The following SGO1 variants were observed in gnomAD, a reference collection of about 807,000 sequenced individuals.
SGO1 encodes the protein shugoshin 1.
A neutral mutation model predicts 50.5 loss-of-function variants in SGO1; 39 were observed. The ratio of observed to expected loss-of-function variants is 0.77; its 90% CI spans 0.60 to 1.01. The LOEUF is 1.01. SGO1 is among the 50% of genes least tolerant of loss of function. SGO1 has a pLI of 0.00. For synonymous variants in SGO1, 191 were observed against 205.1 expected, an observed-to-expected ratio of 0.93 and a Z score of 0.59; for missense variants, 638 against 606.0, an observed-to-expected ratio of 1.05 and a Z score of -0.55.
At chr3:20,170,865 A>C in intron 7 of SGO1, 50 bp from the exon 8 acceptor site, 2 of 1,560,986 alleles carry the variant, frequency 1.3e-6, no homozygotes, top group Non-Finnish European at 8.6e-7. Flanking sequence ...TCCCAATATT[A>C]ACTTACTCTT....
chr3:20,178,155 A>G, intron 4 of SGO1, 116 bp downstream of exon 4: 3 of 731,358 alleles, frequency 4.1e-6, no homozygotes, highest in Non-Finnish European at 7.0e-6. Flanking sequence ...CTCAGTAGAG[A>G]AAGCAACAGA....
At chr3:20,174,170 G>A (rs1701088583) in intron 6 of SGO1, 79 bp downstream of exon 6, 2 of 1,109,520 alleles carry the variant, frequency 1.8e-6, no homozygotes, top group Non-Finnish European at 2.7e-6. Flanking sequence ...GAAACAGATG[G>A]TAAGTATAGT....
At chr3:20,183,848 T>C in intron 2 of SGO1, 38 bp downstream of exon 2, 2 of 1,606,606 alleles carry the variant, frequency 1.2e-6, no homozygotes, top group Non-Finnish European at 1.7e-6. Context: ...AATCTAAACT[T>C]AAAAGTGATA....
Position 20,174,476 on chromosome 3 carries a change from A to C in SGO1, c.1055T>G (p.Val352Gly), listed in dbSNP as rs756470744. 9 of 1,614,182 alleles carry C rather than the reference A, an allele frequency of 5.6e-6. No individual in the cohort carries two copies. The Admixed American group carries it at 6.7e-5, about 12-fold the overall frequency. ...GVHLTPFRQKVSNDSNREENN... is the reference protein window; with the variant it reads ...GVHLTPFRQKGSNDSNREENN... ...TTCTTCTCTATTAGAGTCATTGCTC[A>C]CTTTTTGTCGGAAAGGAGTAAGATG... Residue 352 changes from valine to glycine, a missense_variant, in exon 6 of 8, where the codon GTG (valine) becomes GGG (glycine). By Grantham distance (109) the Val-to-Gly change is moderately radical. Transcript: ENST00000412997.
At chr3:20,168,239 A>G (rs184655962), downstream of SGO1, among the ~76,000 whole-genome samples, 38 of 152,290 alleles carry the variant, frequency 2.5e-4, no homozygotes, top group Non-Finnish European at 4.4e-4. Context: ...TCAGACCAGA[A>G]TGATCTTTAA....
chr3:20,169,448 T>C (rs972693249), downstream of SGO1: 1 of 983,696 alleles, frequency 1.0e-6, no homozygotes. Context: ...AGATACTCTA[T>C]TTTTGATATT....
chr3:20,181,908 C>A (rs1336607607), intron 3 of SGO1, among the ~76,000 whole-genome samples: 2 of 152,004 alleles, frequency 1.3e-5, no homozygotes, highest in African/African-American at 4.8e-5. Context: ...CATGGCGAAA[C>A]CCTGTCTCTA....
chr3:20,178,143 T>C, intron 4 of SGO1, 128 bp downstream of exon 4: 1 of 662,492 alleles, frequency 1.5e-6, no homozygotes. Flanking sequence ...CTTAAATATA[T>C]TCTCAGTAGA....
intron 3 of SGO1, among the ~76,000 whole-genome samples, chr3:20,183,391 G>A (rs530854081): frequency 6.6e-6 from 1 of 152,204 alleles, no homozygotes; most frequent in African/African-American, 2.4e-5. Flanking sequence ...CCTGCTTTAA[G>A]AATGAAACAG....
rs780125969 is a variant in SGO1 at position 20,176,606 on chromosome 3, A to T, written c.470T>A (p.Ile157Lys). 6.4e-7 allele frequency: 1 copy of T among 1,564,360 alleles called. No individual in the cohort carries two copies. Among genetic ancestry groups the T allele is most frequent in the African/African-American group, 1.4e-5 (1 of 72,742 alleles). Reference sequence around the variant, plus strand: ...TAGATTTTCACTTGAATTACCTTCTATTTGAAATGATTCTCCTTGTCCTGG... The same window carrying T: ...TAGATTTTCACTTGAATTACCTTCTTTTTGAAATGATTCTCCTTGTCCTGG... ...ELPGQGESFQ[I>K]EDQIPTIPQD... Residue 157 changes from isoleucine to lysine, a missense_variant, in exon 5 of 8, where the codon ATA becomes AAA. Transcript: ENST00000412997.
In SGO1 at chr3:20,176,664, G is replaced by T; in HGVS notation, c.417-5C>A. On this transcript the variant is annotated splice_polypyrimidine_tract_variant and splice_region_variant and intron_variant, in intron 4 of 7. Transcript: ENST00000412997. ...GTTTCTTCAAGAGGAATTTGCCTTA[G>T]AAAATACCAATGAAAAACAGAAATT... 2 of 1,548,340 alleles carry T rather than the reference G, an allele frequency of 1.3e-6. No homozygotes were observed. Among genetic ancestry groups the T allele is most frequent in the Non-Finnish European group, 1.7e-6 (2 of 1,148,958 alleles).
chr3:20,171,122 T>G lies in SGO1; in HGVS notation c.1393A>C (p.Asn465His), dbSNP rs776125097. Residue 465 changes from asparagine (N) to histidine (H), a missense_variant, in exon 7 of 8, where the codon AAT (asparagine) becomes CAT (histidine). Physicochemically the swap from Asn to His is moderately conservative, Grantham distance 68. Coordinates refer to ENST00000412997, the MANE Select transcript of SGO1 (RefSeq NM_001199251.3). The stretch of plus-strand genomic sequence containing the variant: ...AGAGCCACTGCTGGGCTTGCTTTAT[T>G]CTTTTTTGGAGAAAGAGAAAGTCTT... ...IRRLSLSPKK[N>H]KASPAVALPK... The G allele has an allele frequency of 8.1e-6, 13 of 1,613,638 alleles. No homozygotes were observed. Among genetic ancestry groups the G allele is most frequent in the Non-Finnish European group, 1.1e-5 (13 of 1,179,876 alleles).
At chr3:20,179,707 C>T (rs1030786579) in intron 3 of SGO1, among the ~76,000 whole-genome samples, 3 of 152,016 alleles carry the variant, frequency 2.0e-5, no homozygotes, top group Non-Finnish European at 2.9e-5. Flanking sequence ...CTGATTACAG[C>T]CACGAGTCAA....
intron 3 of SGO1, among the ~76,000 whole-genome samples, chr3:20,182,327 C>T (rs753236877): frequency 8.6e-5 from 13 of 152,010 alleles, no homozygotes; most frequent in Non-Finnish European, 1.9e-4. Context: ...AAGTACCTGC[C>T]CACCTCCTCC....
At chr3:20,164,833 A>G (rs1282097740), downstream of SGO1, among the ~76,000 whole-genome samples, 1 of 152,196 alleles carries the variant, frequency 6.6e-6, no homozygotes, top group Non-Finnish European at 1.5e-5. Context: ...ATGCTAAGGG[A>G]CAAACTAACA....
intron 6 of SGO1, among the ~76,000 whole-genome samples, chr3:20,172,550 G>GCA (rs1423376385): frequency 2.6e-5 from 4 of 151,628 alleles, no homozygotes; most frequent in African/African-American, 9.7e-5. Context: ...ACGGTATGGG[G>GCA]TATGGCCTGA....
chr3:20,172,541 C>T (rs1189911419), intron 6 of SGO1, among the ~76,000 whole-genome samples: 4 of 150,526 alleles, frequency 2.7e-5, no homozygotes, highest in Non-Finnish European at 4.4e-5. Context: ...TCTGACTCCA[C>T]GGTATGGGGT....
At chr3:20,175,272 G>A (rs1228524216) in intron 5 of SGO1, among the ~76,000 whole-genome samples, 1 of 152,156 alleles carries the variant, frequency 6.6e-6, no homozygotes, top group Non-Finnish European at 1.5e-5. Flanking sequence ...ACATGTGAAA[G>A]AATCTTGTAC....
chr3:20,175,033 T>C lies in SGO1; in HGVS notation c.498A>G (p.Gln166=). The C allele has an allele frequency of 1.9e-6, 3 of 1,561,432 alleles. No homozygotes were observed. Among genetic ancestry groups the C allele is most frequent in the Non-Finnish European group, 8.7e-7 (1 of 1,152,902 alleles). The part of the protein sequence containing the change: ...QIEDQIPTIP[Q]DTLGVDFDSG... ...AATCAAAATCAACTCCCAGTGTGTC[T>C]TGAGGAATAGTAGGTATCTGATCTG... Residue 166 remains glutamine, a synonymous_variant, in exon 6 of 8, where the codon CAA becomes CAG. Transcript: ENST00000412997.
Sources: allele counts gnomAD v4.1 joint callset (sites outside exome capture counted in the v4.1 genomes callset), GRCh38; gene constraint gnomAD v4.1.1; transcripts MANE v1.5; gene names NCBI Gene and HGNC (gene_info 2026-07-23, HGNC 2026-07-21).